The following ELAVL2 variants were observed in gnomAD, a reference collection of about 807,000 sequenced individuals.
ELAVL2 encodes ELAV-like protein 2.
In ELAVL2, 4 loss-of-function variants were observed where a neutral mutation model predicts 34.6. The observed-to-expected ratio is 0.12, with a 90% CI of 0.06 to 0.26. The LOEUF (loss-of-function observed/expected upper bound fraction) is 0.26. Ranked by LOEUF, ELAVL2 falls within the 10% of genes least tolerant of loss-of-function variation. The probability of loss-of-function intolerance (pLI) is 1.00; values close to 1 mark genes in which losing one functional copy is unlikely to be tolerated. For missense variants in ELAVL2, 432 were observed against 442.8 expected, an observed-to-expected ratio of 0.98 and a Z score of 0.22; for synonymous variants, 193 against 154.8, an observed-to-expected ratio of 1.25 and a Z score of -1.83.
intron 3 of ELAVL2, among the ~76,000 whole-genome samples, chr9:23,705,507 C>G (rs2039019371): frequency 6.6e-6 from 1 of 152,212 alleles, no homozygotes; most frequent in Non-Finnish European, 1.5e-5. Context: ...GTGGTGCATA[C>G]AGCACAGTAC....
chr9:23,715,306 G>A (rs150921502), intron 3 of ELAVL2, among the ~76,000 whole-genome samples: 8 of 152,176 alleles, frequency 5.3e-5, no homozygotes, highest in African/African-American at 1.7e-4. Flanking sequence ...CCGCCACCAC[G>A]CCCGGCTAAT....
chr9:23,839,744 T>C, the ELAVL2 span, among the ~76,000 whole-genome samples: 1 of 152,196 alleles, frequency 6.6e-6, no homozygotes, highest in Non-Finnish European at 1.5e-5. Flanking sequence ...CTTGAGTTTC[T>C]GAATTAAAAA....
chr9:23,724,503 G>A (rs2134212709), intron 3 of ELAVL2, among the ~76,000 whole-genome samples: 1 of 152,250 alleles, frequency 6.6e-6, no homozygotes, highest in South Asian at 2.1e-4. Flanking sequence ...CACATTAGAT[G>A]AGTAAGAAAT....
chr9:23,843,509 G>C, the ELAVL2 span, among the ~76,000 whole-genome samples: 1 of 152,048 alleles, frequency 6.6e-6, no homozygotes, highest in Non-Finnish European at 1.5e-5. Context: ...GAAAATTTCA[G>C]ATTAATAGTA....
chr9:23,727,628 C>T (rs2045549462), intron 3 of ELAVL2, among the ~76,000 whole-genome samples: 1 of 152,042 alleles, frequency 6.6e-6, no homozygotes, highest in African/African-American at 2.4e-5. Context: ...CGGAATCTCA[C>T]CTGTGGACAG....
At chr9:23,763,076 A>T (rs915948629) in intron 1 of ELAVL2, among the ~76,000 whole-genome samples, 1 of 152,238 alleles carries the variant, frequency 6.6e-6, no homozygotes, top group East Asian at 1.9e-4. Flanking sequence ...ATGAGAAAAA[A>T]GAAAACCTAT....
At chr9:23,698,763 C>T (rs967766441) in intron 5 of ELAVL2, among the ~76,000 whole-genome samples, 8 of 152,020 alleles carry the variant, frequency 5.3e-5, no homozygotes, top group African/African-American at 1.2e-4. Flanking sequence ...GGGAGTGGGG[C>T]GGAAATCAAG....
At chr9:23,771,449 A>G (rs781379785) in intron 1 of ELAVL2, among the ~76,000 whole-genome samples, 10 of 151,982 alleles carry the variant, frequency 6.6e-5, no homozygotes, top group Non-Finnish European at 1.2e-4. Context: ...AGATATATAT[A>G]GGAAACCCAA....
At chr9:23,785,954 T>C (rs2059624767) in intron 1 of ELAVL2, among the ~76,000 whole-genome samples, 1 of 152,184 alleles carries the variant, frequency 6.6e-6, no homozygotes, top group Non-Finnish European at 1.5e-5. Flanking sequence ...TGAAGGTCAC[T>C]ATGAGGTCAC....
At chr9:23,731,812 A>C (rs2046633618) in intron 2 of ELAVL2, among the ~76,000 whole-genome samples, 1 of 152,156 alleles carries the variant, frequency 6.6e-6, no homozygotes, top group Non-Finnish European at 1.5e-5. Flanking sequence ...AATAGAACAT[A>C]AACAAAAATA....
At chr9:23,805,665 G>T (rs562950331) in intron 1 of ELAVL2, among the ~76,000 whole-genome samples, 1 of 152,148 alleles carries the variant, frequency 6.6e-6, no homozygotes, top group East Asian at 1.9e-4. Flanking sequence ...TCCATGATTA[G>T]AGCATCTACC....
intron 3 of ELAVL2, among the ~76,000 whole-genome samples, chr9:23,725,663 G>T (rs1564102818): frequency 6.6e-6 from 1 of 152,098 alleles, no homozygotes; most frequent in African/African-American, 2.4e-5. Context: ...TGTCGCAAAA[G>T]GAGGTTGAAC....
upstream of ELAVL2, among the ~76,000 whole-genome samples, chr9:23,828,633 G>T (rs993470559): frequency 6.6e-6 from 1 of 151,980 alleles, no homozygotes; most frequent in Non-Finnish European, 1.5e-5. Context: ...TTTTTTTTCA[G>T]CTTGGGCATA....
At chr9:23,757,778 A>C (rs10453194) in intron 2 of ELAVL2, among the ~76,000 whole-genome samples, 8 of 152,212 alleles carry the variant, frequency 5.3e-5, no homozygotes, top group African/African-American at 1.9e-4. Flanking sequence ...AACTTAGTCT[A>C]GAGAGAAGAT....
chr9:23,733,264 TTG>T (rs768922072), intron 2 of ELAVL2, among the ~76,000 whole-genome samples: 13 of 151,898 alleles, frequency 8.6e-5, no homozygotes, highest in Non-Finnish European at 1.3e-4. Flanking sequence ...ATATGTGTGT[TTG>T]TGTCTGTATA....
At chr9:23,778,400 C>T (rs2058559143) in intron 1 of ELAVL2, among the ~76,000 whole-genome samples, 1 of 152,130 alleles carries the variant, frequency 6.6e-6, no homozygotes. Flanking sequence ...CAGTAGTGTT[C>T]AACATTTAAA....
chr9:23,739,783 C>T (rs1355524757), intron 2 of ELAVL2, among the ~76,000 whole-genome samples: 1 of 142,628 alleles, frequency 7.0e-6, no homozygotes, highest in Admixed American at 7.4e-5. Context: ...TTGCCTGTGC[C>T]TGCACACACA....
intron 1 of ELAVL2, among the ~76,000 whole-genome samples, chr9:23,796,768 A>G (rs1044691449): frequency 6.6e-6 from 1 of 152,170 alleles, no homozygotes; most frequent in Non-Finnish European, 1.5e-5. Context: ...TAATATCCCA[A>G]ATATGTAAAA....
chr9:23,815,963 G>C (rs764110555), intron 1 of ELAVL2, among the ~76,000 whole-genome samples: 4 of 152,118 alleles, frequency 2.6e-5, no homozygotes, highest in Non-Finnish European at 4.4e-5. Context: ...CTCAACAGCA[G>C]ACAAGAACCT....
Sources: gnomAD v4.1 joint callset for allele counts (sites outside exome capture counted in the v4.1 genomes callset) on GRCh38, gnomAD v4.1.1 for gene constraint, MANE v1.5 for transcripts, NCBI Gene and HGNC (gene_info 2026-07-23, HGNC 2026-07-21) for gene names.